ADCY8: variants seen among roughly 807,000 people sequenced by gnomAD.
ADCY8 encodes the protein adenylate cyclase type 8.
A neutral mutation model predicts 119.7 loss-of-function variants in ADCY8; 51 were observed. That is an observed-to-expected ratio of 0.43 (90% confidence interval 0.34 to 0.54). ADCY8 has a LOEUF of 0.54. ADCY8 is among the 20% of genes least tolerant of loss of function. The pLI is 0.03. For missense variants in ADCY8, 1,383 were observed against 1,598.8 expected (o/e 0.87, Z 2.30); for synonymous variants, 665 against 651.0 (o/e 1.02, Z -0.33).
chr8:130,935,226 G>A (rs1820748691), intron 5 of ADCY8, among the ~76,000 whole-genome samples: 1 of 152,158 alleles, frequency 6.6e-6, no homozygotes, highest in South Asian at 2.1e-4. Context: ...TTGGATGCAT[G>A]CAGAATTACT....
intron 14 of ADCY8, among the ~76,000 whole-genome samples, chr8:130,806,075 GC>G (rs1326744256): frequency 1.2e-4 from 18 of 152,224 alleles, no homozygotes; most frequent in Admixed American, 1.1e-3. Flanking sequence ...TTCCTCCTCA[GC>G]TGGTGAAGGC....
chr8:130,905,619 G>A (rs1304742451), intron 6 of ADCY8, among the ~76,000 whole-genome samples: 1 of 152,202 alleles, frequency 6.6e-6, no homozygotes, highest in East Asian at 1.9e-4. Context: ...TCATGCTGAG[G>A]AAGCCGAGAC....
chr8:130,952,122 A>T (rs1300660322), intron 2 of ADCY8, 124 bp from the exon 3 acceptor site: 1 of 1,057,872 alleles, frequency 9.5e-7, no homozygotes, highest in Non-Finnish European at 1.4e-6. Context: ...ATTTCATACC[A>T]TTCTATGAAT....
intron 1 of ADCY8, among the ~76,000 whole-genome samples, chr8:131,036,285 C>T (rs1824150851): frequency 6.6e-6 from 1 of 152,094 alleles, no homozygotes; most frequent in Non-Finnish European, 1.5e-5. Context: ...ATGTAAAATA[C>T]TGTGCAAAGT....
chr8:130,870,994 C>T (rs1218519882), intron 8 of ADCY8, among the ~76,000 whole-genome samples: 1 of 152,084 alleles, frequency 6.6e-6, no homozygotes, highest in Non-Finnish European at 1.5e-5. Flanking sequence ...AACTTCAGTG[C>T]TTAGCATAAT....
intron 3 of ADCY8, among the ~76,000 whole-genome samples, chr8:130,948,193 TA>T (rs1821161603): frequency 6.6e-6 from 1 of 152,152 alleles, no homozygotes; most frequent in Non-Finnish European, 1.5e-5. Context: ...TTGATTGAGT[TA>T]AAAATCACTG....
At chr8:130,847,982 A>C (rs1190975174) in intron 10 of ADCY8, among the ~76,000 whole-genome samples, 1 of 152,152 alleles carries the variant, frequency 6.6e-6, no homozygotes, top group Non-Finnish European at 1.5e-5. Flanking sequence ...TTGCTGCAGG[A>C]GATTTTGTGG....
chr8:130,982,867 G>T (rs943033749), intron 2 of ADCY8, among the ~76,000 whole-genome samples: 4 of 152,104 alleles, frequency 2.6e-5, no homozygotes, highest in African/African-American at 9.7e-5. Flanking sequence ...TTAACATCTG[G>T]TGTGTATTGT....
intron 2 of ADCY8, among the ~76,000 whole-genome samples, chr8:130,963,653 TC>T (rs772098029): frequency 3.3e-5 from 5 of 151,770 alleles, no homozygotes; most frequent in African/African-American, 4.8e-5. Flanking sequence ...ATCAGAGAGG[TC>T]CAGCAGTAGT....
intron 14 of ADCY8, among the ~76,000 whole-genome samples, chr8:130,801,826 T>A (rs1441815548): frequency 2.0e-5 from 3 of 152,082 alleles, no homozygotes; most frequent in Non-Finnish European, 4.4e-5. Flanking sequence ...CACCCCAAGA[T>A]CTTGATTCTC....
intron 12 of ADCY8, among the ~76,000 whole-genome samples, chr8:130,826,671 G>T (rs974458109): frequency 6.6e-6 from 1 of 151,824 alleles, no homozygotes; most frequent in African/African-American, 2.4e-5. Flanking sequence ...TGGCTTATCT[G>T]CAGCCTGGAG....
At chr8:130,948,905 C>T (rs1212337981) in intron 3 of ADCY8, among the ~76,000 whole-genome samples, 1 of 152,084 alleles carries the variant, frequency 6.6e-6, no homozygotes, top group Non-Finnish European at 1.5e-5. Context: ...GACGCCCCGC[C>T]GCCCCGAGCT....
chr8:130,974,246 C>T (rs543308020), intron 2 of ADCY8, among the ~76,000 whole-genome samples: 11 of 152,144 alleles, frequency 7.2e-5, no homozygotes, highest in African/African-American at 1.7e-4. Flanking sequence ...GCCCTGTGCC[C>T]GGGATGCTTT....
At chr8:130,921,030 C>T (rs759037641) in intron 5 of ADCY8, among the ~76,000 whole-genome samples, 1 of 152,230 alleles carries the variant, frequency 6.6e-6, no homozygotes, top group Non-Finnish European at 1.5e-5. Context: ...CCTGTTGGTT[C>T]TGTTTCTCCA....
At chr8:130,863,135 T>C (rs1817999047) in intron 9 of ADCY8, among the ~76,000 whole-genome samples, 2 of 152,336 alleles carry the variant, frequency 1.3e-5, no homozygotes, top group South Asian at 4.1e-4. Flanking sequence ...TTTTGCCTTA[T>C]GTAGTTTGAC....
intron 2 of ADCY8, among the ~76,000 whole-genome samples, chr8:130,983,024 G>A (rs79442402): frequency 0.012 from 1,831 of 152,292 alleles, 46 homozygotes; most frequent in African/African-American, 0.042. Flanking sequence ...ACAAATATAT[G>A]CAGAGTGGGA....
chr8:130,814,224 C>T lies in ADCY8; in HGVS notation c.2758G>A (p.Glu920Lys), dbSNP rs750085004. 5.6e-6 allele frequency: 9 copies of T among 1,613,886 alleles called. No homozygotes were observed. The highest frequency in any genetic ancestry group is 7.6e-6 in the Non-Finnish European group (9 of 1,180,008). The change falls in exon 14 of 18, where the codon GAG becomes AAG. Residue 920 changes from glutamate to lysine, a missense_variant. Around this residue, in one of 2 missense-constraint regions of ADCY8, gnomAD observed 928 missense variants for 1,163.5 expected, o/e 0.80. Transcript: ENST00000286355. ...AGGAAGTCCAGGCGGGCTGTGTACT[C>T]CAGCTGCAGTACATGTGAGAGAAAG... is the stretch of plus-strand genomic sequence containing the variant. ...LAVFYHGQQLEYTARLDFLWR... is the reference protein window; with the variant it reads ...LAVFYHGQQLKYTARLDFLWR...
chr8:130,951,769 G>A, intron 3 of ADCY8, 99 bp downstream of exon 3: 9 of 1,444,852 alleles, frequency 6.2e-6, no homozygotes, highest in Non-Finnish European at 8.5e-6. Flanking sequence ...GAGGAAAGGT[G>A]CTGACATTCA....
intron 13 of ADCY8, among the ~76,000 whole-genome samples, chr8:130,820,292 G>A (rs114128043): frequency 2.9e-4 from 44 of 152,156 alleles, no homozygotes; most frequent in African/African-American, 9.6e-4. Flanking sequence ...CTCAGGGTTC[G>A]TTACCTCCAT....
Sources: allele counts gnomAD v4.1 joint callset (sites outside exome capture counted in the v4.1 genomes callset), GRCh38; gene constraint gnomAD v4.1.1; regional missense constraint gnomAD v4.1.1; transcripts MANE v1.5; gene names NCBI Gene and HGNC (gene_info 2026-07-23, HGNC 2026-07-21).